MAP3K20: variants seen among roughly 807,000 people sequenced by gnomAD.
The protein encoded by MAP3K20 is mitogen-activated protein kinase kinase kinase 20, also known as HCCS-4.
A neutral mutation model predicts 85.7 loss-of-function variants in MAP3K20; 40 were observed. The ratio of observed to expected loss-of-function variants is 0.47; its 90% confidence interval spans 0.36 to 0.61. The LOEUF is 0.61. Among genes scored for constraint, MAP3K20 ranks in the 20% least tolerant of loss-of-function variants. MAP3K20 has a pLI of 0.00. For synonymous variants in MAP3K20, 325 were observed against 327.7 expected (o/e 0.99, Z 0.09); for missense variants, 817 against 961.7 (o/e 0.85, Z 1.99).
At chr2:173,090,516 T>A in intron 1 of MAP3K20, 1 of 597,738 alleles carries the variant, frequency 1.7e-6, no homozygotes, top group South Asian at 7.4e-5. Context: ...TGCAGCCGTT[T>A]GGCTGTCTGT....
At chr2:173,206,529 T>TA (rs1683691961) in intron 9 of MAP3K20, among the ~76,000 whole-genome samples, 1 of 152,230 alleles carries the variant, frequency 6.6e-6, no homozygotes, top group African/African-American at 2.4e-5. Flanking sequence ...ACACCTTACA[T>TA]ACTTTCATTC....
chr2:173,126,300 G>C (rs144075835), intron 2 of MAP3K20, among the ~76,000 whole-genome samples: 2 of 152,266 alleles, frequency 1.3e-5, no homozygotes, highest in African/African-American at 4.8e-5. Flanking sequence ...TGATTCTATG[G>C]TATTCTAGTG....
intron 9 of MAP3K20, among the ~76,000 whole-genome samples, chr2:173,208,331 G>A (rs10198810): frequency 0.55 from 82,676 of 151,516 alleles, 24,633 homozygotes; most frequent in Non-Finnish European, 0.68. Flanking sequence ...CCAGGTGGTC[G>A]AGGCTGCAGT....
At position 173,232,343 on chromosome 2, in the gene MAP3K20, G is replaced by A. The variant is rs376505845; in HGVS notation, c.1087G>A (p.Val363Ile). The part of the protein sequence containing the change: ...RKGDSSAEMS[V>I]YASLFKENNI... ...AGGTGACTCTTCAGCAGAGATGAGT[G>A]TATATGCAAGCTTGTTTAAAGAAAA... The change falls in exon 14 of 20, where the codon GTA (valine) becomes ATA (isoleucine). Residue 363 changes from valine to isoleucine, a missense_variant. By Grantham distance (29) the Val-to-Ile change is conservative. Transcript: ENST00000375213. The A allele has an allele frequency of 1.8e-5, 29 of 1,614,230 alleles. No homozygotes were observed. The African/African-American group carries it at 2.3e-4, about 13-fold the overall frequency.
At chr2:173,139,860 C>G (rs1009289962) in intron 2 of MAP3K20, among the ~76,000 whole-genome samples, 1 of 152,084 alleles carries the variant, frequency 6.6e-6, no homozygotes, top group Non-Finnish European at 1.5e-5. Flanking sequence ...TATACTTACA[C>G]CCACATATTT....
chr2:173,191,235 A>G (rs1690640434), intron 7 of MAP3K20, 58 bp downstream of exon 7: 29 of 1,599,332 alleles, frequency 1.8e-5, no homozygotes, highest in Non-Finnish European at 2.5e-5. Context: ...AAACACTCAA[A>G]AGAAGAGAGA....
intron 9 of MAP3K20, among the ~76,000 whole-genome samples, chr2:173,205,111 A>C (rs1342369234): frequency 2.2e-5 from 3 of 139,002 alleles, no homozygotes; most frequent in Admixed American, 7.5e-5. Flanking sequence ...TCAAAAAAAA[A>C]AAAAAAAAAA....
At chr2:173,095,719 A>G (rs1687438218) in intron 2 of MAP3K20, among the ~76,000 whole-genome samples, 1 of 152,214 alleles carries the variant, frequency 6.6e-6, no homozygotes, top group African/African-American at 2.4e-5. Flanking sequence ...GGAAATTACA[A>G]ATTACGTTGC....
At chr2:173,165,631 A>G (rs531472070) in intron 2 of MAP3K20, among the ~76,000 whole-genome samples, 2 of 152,358 alleles carry the variant, frequency 1.3e-5, no homozygotes, top group African/African-American at 4.8e-5. Flanking sequence ...TATGCATAGC[A>G]TAAAATTTGC....
At chr2:173,162,642 C>T (rs182856054) in intron 2 of MAP3K20, among the ~76,000 whole-genome samples, 116 of 148,770 alleles carry the variant, frequency 7.8e-4, no homozygotes, top group Non-Finnish European at 1.3e-3. Context: ...GTCAAGATTG[C>T]GCCATTGCAC....
chr2:173,082,001 A>T (rs186796920), intron 1 of MAP3K20, among the ~76,000 whole-genome samples: 2 of 151,322 alleles, frequency 1.3e-5, no homozygotes, highest in Admixed American at 6.6e-5. Context: ...CTTGTTGGCC[A>T]ACTCTAAACC....
chr2:173,172,231 C>T (rs537892733), intron 3 of MAP3K20, among the ~76,000 whole-genome samples: 5 of 152,144 alleles, frequency 3.3e-5, no homozygotes, highest in Non-Finnish European at 1.5e-5. Context: ...TCACCCAGCC[C>T]CAGCCAGATA....
At chr2:173,230,402 C>T (rs1237568124) in intron 12 of MAP3K20, among the ~76,000 whole-genome samples, 2 of 152,188 alleles carry the variant, frequency 1.3e-5, no homozygotes, top group African/African-American at 4.8e-5. Context: ...CAGTGCTGGG[C>T]TGGTACACCG....
intron 2 of MAP3K20, among the ~76,000 whole-genome samples, chr2:173,147,875 G>A (rs566083273): frequency 1.3e-4 from 20 of 152,114 alleles, no homozygotes; most frequent in African/African-American, 2.4e-4. Context: ...ATGAGCCACC[G>A]TGCCCGGCCA....
intron 13 of MAP3K20, 44 bp from the exon 14 acceptor site, chr2:173,232,276 T>C (rs1452995481): frequency 6.2e-7 from 1 of 1,613,960 alleles, no homozygotes; most frequent in South Asian, 1.1e-5. Context: ...GTTTTGGATG[T>C]GATTTCATCT....
chr2:173,188,626 G>C (rs1432599990), intron 5 of MAP3K20, among the ~76,000 whole-genome samples: 1 of 151,796 alleles, frequency 6.6e-6, no homozygotes, highest in East Asian at 1.9e-4. Context: ...TTAGCAGGGG[G>C]TGAAGGGATG....
chr2:173,118,336 C>CG (rs1559238379), intron 2 of MAP3K20, among the ~76,000 whole-genome samples: 1 of 152,102 alleles, frequency 6.6e-6, no homozygotes, highest in East Asian at 1.9e-4. Flanking sequence ...ACCTAACCCA[C>CG]GGAGTTTATG....
intron 1 of MAP3K20, among the ~76,000 whole-genome samples, chr2:173,088,097 T>C (rs1009407292): frequency 6.6e-6 from 1 of 152,170 alleles, no homozygotes; most frequent in African/African-American, 2.4e-5. Flanking sequence ...TTGTTTTAAT[T>C]TTATTGAGAG....
chr2:173,111,600 A>T (rs1052145181), intron 2 of MAP3K20, among the ~76,000 whole-genome samples: 5 of 152,194 alleles, frequency 3.3e-5, no homozygotes, highest in African/African-American at 1.2e-4. Context: ...TGATTTTTAT[A>T]TAAGGTGAGA....
Sources: gnomAD v4.1 joint callset for allele counts (sites outside exome capture counted in the v4.1 genomes callset) on GRCh38, gnomAD v4.1.1 for gene constraint, MANE v1.5 for transcripts, NCBI Gene and HGNC (gene_info 2026-07-23, HGNC 2026-07-21) for gene names.